MAGI2: variants seen among roughly 807,000 people sequenced by gnomAD.
The protein encoded by MAGI2 is membrane associated guanylate kinase, WW and PDZ domain containing 2.
A neutral mutation model predicts 133.3 loss-of-function variants in MAGI2; 35 were observed. The observed-to-expected ratio is 0.26, with a 90% CI of 0.20 to 0.35. MAGI2 has a LOEUF of 0.35. Among genes scored for constraint, MAGI2 ranks in the 10% least tolerant of loss-of-function variants. The probability of loss-of-function intolerance (pLI) is 1.00; values close to 1 mark genes in which losing one functional copy is unlikely to be tolerated. For synonymous variants in MAGI2, 729 were observed against 710.6 expected, an observed-to-expected ratio of 1.03 and a Z score of -0.41; for missense variants, 1,636 against 1,863.4, an observed-to-expected ratio of 0.88 and a Z score of 2.25.
intron 9 of MAGI2, among the ~76,000 whole-genome samples, chr7:78,322,294 T>C (rs766877423): frequency 5.9e-5 from 9 of 152,120 alleles, no homozygotes; most frequent in Non-Finnish European, 1.2e-4. Context: ...CATGCTACTA[T>C]AAAGACACAT....
intron 16 of MAGI2, among the ~76,000 whole-genome samples, chr7:78,155,231 C>T (rs115221512): frequency 1.3e-5 from 2 of 152,138 alleles, no homozygotes; most frequent in African/African-American, 4.8e-5. Flanking sequence ...TCCCTTGGGC[C>T]CAATGTTAAG....
chr7:78,343,684 G>A, intron 9 of MAGI2, 94 bp downstream of exon 9: 1 of 942,342 alleles, frequency 1.1e-6, no homozygotes, highest in East Asian at 2.9e-5. Flanking sequence ...AGTGACCTTT[G>A]TCTTTTGAAT....
At position 79,272,666 on chromosome 7, in the gene MAGI2, A is replaced by G. The variant is rs147528714; in HGVS notation, c.301+180354T>C. ...TTATGATTTCTGAGAAATAATTTCA[A>G]TGTTAAAATATACTTTATGGTTATG... On this transcript the variant is annotated intron_variant, in intron 1 of 21. Transcript: ENST00000354212. Among the ~76,000 whole-genome samples, 90 of 152,104 alleles carry G rather than the reference A, an allele frequency of 5.9e-4. 1 individual carries two copies. In the East Asian group the frequency reaches 0.016, roughly 27 times the overall value.
intron 1 of MAGI2, among the ~76,000 whole-genome samples, chr7:79,313,180 T>TTA (rs753892679): frequency 6.6e-6 from 1 of 152,152 alleles, no homozygotes; most frequent in Non-Finnish European, 1.5e-5. Context: ...ACTACTAAAA[T>TTA]TATTATTTCT....
At chr7:78,622,866 C>T (rs1807897351) in intron 3 of MAGI2, among the ~76,000 whole-genome samples, 1 of 151,934 alleles carries the variant, frequency 6.6e-6, no homozygotes, top group African/African-American at 2.4e-5. Context: ...ATACAATTGT[C>T]AAAGTCTTAT....
chr7:78,019,479 C>T lies in MAGI2; in HGVS notation c.4204G>A (p.Ala1402Thr). Residue 1402 changes from alanine to threonine, a missense_variant, in exon 22 of 22, where the codon GCC (alanine) becomes ACC (threonine). This residue lies in a region of MAGI2 where 354 missense variants were observed against 298.7 expected (regional missense o/e 1.19). Transcript: ENST00000354212. Reference sequence around the variant, plus strand: ...GCGCGCGCACCCGCCCTGCCCTCGGCCTCCAGCGCGCCGCTGCCGCCGCCG... The same window carrying T: ...GCGCGCGCACCCGCCCTGCCCTCGGTCTCCAGCGCGCCGCTGCCGCCGCCG... The part of the protein sequence containing the change: ...PGGGGSGALE[A>T]EGRAGARAGP... The T allele has an allele frequency of 1.0e-6, 1 of 980,154 alleles. No individual in the cohort carries two copies. Among genetic ancestry groups the T allele is most frequent in the Non-Finnish European group, 1.2e-6 (1 of 828,048 alleles). 60.7% of individuals were successfully genotyped at this position (980,154 alleles called of 1,614,324 possible). A position where few individuals can be genotyped will look rare whatever the true frequency, so the allele number is the denominator to read the frequency against.
chr7:78,624,384 C>T (rs996280882), intron 3 of MAGI2, among the ~76,000 whole-genome samples: 2 of 152,010 alleles, frequency 1.3e-5, no homozygotes, highest in African/African-American at 4.8e-5. Context: ...GAAACATTTA[C>T]CCATGCCTAT....
At chr7:78,225,333 T>G (rs901320553) in intron 10 of MAGI2, among the ~76,000 whole-genome samples, 3 of 151,312 alleles carry the variant, frequency 2.0e-5, no homozygotes, top group African/African-American at 7.3e-5. Context: ...CCTTCCCACA[T>G]TTAATTTTTT....
chr7:78,504,500 A>G (rs1025725594), intron 4 of MAGI2, among the ~76,000 whole-genome samples: 1 of 152,174 alleles, frequency 6.6e-6, no homozygotes, highest in Non-Finnish European at 1.5e-5. Flanking sequence ...TCCTTAACTC[A>G]GAAACTAGAA....
intron 3 of MAGI2, among the ~76,000 whole-genome samples, chr7:78,535,215 G>C (rs1435957667): frequency 6.6e-6 from 1 of 152,116 alleles, no homozygotes; most frequent in African/African-American, 2.4e-5. Context: ...CCAGGCAGAG[G>C]AAACAAATTT....
intron 6 of MAGI2, among the ~76,000 whole-genome samples, chr7:78,413,953 G>A (rs1407495679): frequency 6.6e-6 from 1 of 152,012 alleles, no homozygotes; most frequent in African/African-American, 2.4e-5. Context: ...GGATTGTCTG[G>A]CTATTATAAA....
chr7:78,398,760 T>C (rs1248047526), intron 6 of MAGI2, among the ~76,000 whole-genome samples: 1 of 152,076 alleles, frequency 6.6e-6, no homozygotes, highest in African/African-American at 2.4e-5. Flanking sequence ...TTAATTACAC[T>C]GACAAAATTC....
chr7:78,721,674 G>T lies in MAGI2; in HGVS notation c.419-94435C>A, dbSNP rs564723816. 2.6e-5 allele frequency among the ~76,000 whole-genome samples: 4 copies of T among 152,080 alleles called. No homozygotes were observed. The South Asian group carries it at 8.3e-4, about 32-fold the overall frequency. ...AGAATTTATTGAGAAGGTTCTCAAA[G>T]AACTAAGATGGTAGCTTTTTACTAA... On this transcript the variant is annotated intron_variant, in intron 2 of 21. Transcript: ENST00000354212.
chr7:79,185,300 G>A (rs1826980067), intron 1 of MAGI2, among the ~76,000 whole-genome samples: 1 of 151,516 alleles, frequency 6.6e-6, no homozygotes, highest in Non-Finnish European at 1.5e-5. Flanking sequence ...CCTGATAAAG[G>A]GCCCATAACA....
At chr7:78,970,303 GATA>G (rs2115962982) in intron 2 of MAGI2, among the ~76,000 whole-genome samples, 1 of 152,046 alleles carries the variant, frequency 6.6e-6, no homozygotes, top group East Asian at 1.9e-4. Flanking sequence ...CCCCCTGAAG[GATA>G]ATTTTTCCCA....
chr7:78,980,082 G>C (rs1160273548), intron 2 of MAGI2, among the ~76,000 whole-genome samples: 1 of 151,702 alleles, frequency 6.6e-6, no homozygotes, highest in Non-Finnish European at 1.5e-5. Context: ...ACAAACTTTG[G>C]AGCTGGACTA....
chr7:79,324,605 TAAAAA>T lies in MAGI2; in HGVS notation c.301+128410_301+128414del, dbSNP rs1186754781. On this transcript the variant is annotated intron_variant, in intron 1 of 21. Transcript: ENST00000354212. ...CCATATATATATAACAATATATATA[TAAAAA>T]ATATATATAATATATATATTATATA... is the stretch of plus-strand genomic sequence containing the variant. Among the ~76,000 whole-genome samples the T allele has an allele frequency of 7.2e-5, 3 of 41,690 alleles. 1 individual carries two copies. The highest frequency in any genetic ancestry group is 2.4e-4 in the African/African-American group (3 of 12,476). 27.4% of individuals were successfully genotyped at this position (41,690 alleles called of 152,430 possible).
At chr7:78,224,226 TTTTA>T (rs1584461555) in intron 10 of MAGI2, among the ~76,000 whole-genome samples, 1 of 152,132 alleles carries the variant, frequency 6.6e-6, no homozygotes, top group East Asian at 1.9e-4. Context: ...AAACCAAACA[TTTTA>T]TTTATTTTAT....
intron 6 of MAGI2, among the ~76,000 whole-genome samples, chr7:78,420,882 T>C (rs996377062): frequency 6.6e-6 from 1 of 152,176 alleles, no homozygotes; most frequent in Non-Finnish European, 1.5e-5. Context: ...TTTTGCATGA[T>C]GACTTTGAGG....
Sources: gnomAD v4.1 joint callset for allele counts (sites outside exome capture counted in the v4.1 genomes callset) on GRCh38, gnomAD v4.1.1 for gene constraint, gnomAD v4.1.1 regional missense constraint, MANE v1.5 for transcripts, NCBI Gene and HGNC (gene_info 2026-07-23, HGNC 2026-07-21) for gene names.